ADGRA2: variants seen among roughly 807,000 people sequenced by gnomAD.
ADGRA2 encodes G-protein coupled receptor 124.
ADGRA2 carries 61 observed loss-of-function variants against 98.7 expected under a neutral mutation model. The ratio of observed to expected loss-of-function variants is 0.62; its 90% CI spans 0.50 to 0.76. The LOEUF is 0.76. ADGRA2 is among the 30% of genes least tolerant of loss of function. The probability of loss-of-function intolerance (pLI) is 0.00; values close to 1 mark genes in which losing one functional copy is unlikely to be tolerated. For synonymous variants in ADGRA2, 858 were observed against 831.5 expected (o/e 1.03, Z -0.55); for missense variants, 1,712 against 1,860.0 (o/e 0.92, Z 1.46).
At chr8:37,804,451 C>T (rs996534210) in intron 1 of ADGRA2, among the ~76,000 whole-genome samples, 4 of 152,192 alleles carry the variant, frequency 2.6e-5, no homozygotes, top group South Asian at 2.1e-4. Flanking sequence ...AATGCAGGCA[C>T]GTGGGACTGG....
At chr8:37,835,101 T>C (rs918850440) in intron 11 of ADGRA2, 73 bp from the exon 12 acceptor site, 36 of 1,074,686 alleles carry the variant, frequency 3.3e-5, no homozygotes, top group Non-Finnish European at 4.7e-5. Context: ...AGCAGGCCCA[T>C]TGAGAGAGAT....
rs1176699256 is a variant in ADGRA2, at chr8:37,842,080, C to T, written c.3742C>T (p.Pro1248Ser). 18 of 1,515,688 alleles carry T rather than the reference C, an allele frequency of 1.2e-5. No individual in the cohort carries two copies. Among genetic ancestry groups the T allele is most frequent in the Non-Finnish European group, 7.9e-6 (9 of 1,139,360 alleles). The allele number at this position is 1,515,688 out of a possible 1,614,324, so 93.9% of individuals were successfully genotyped here. The change falls in exon 19 of 19, where the codon CCC (proline) becomes TCC (serine). Residue 1248 changes from proline to serine, a missense_variant. Coordinates refer to ENST00000412232, the MANE Select transcript of ADGRA2 (RefSeq NM_032777.10). The part of the protein sequence containing the change: ...PGAGLQLEGE[P>S]MLTPSEGSDT... Reference sequence around the variant, plus strand: ...CGCCGGCCTGCAGCTGGAAGGCGAGCCCATGCTCACGCCGTCCGAGGGCAG... The same window carrying T: ...CGCCGGCCTGCAGCTGGAAGGCGAGTCCATGCTCACGCCGTCCGAGGGCAG...
At chr8:37,805,535 A>G (rs1245562130) in intron 1 of ADGRA2, among the ~76,000 whole-genome samples, 2 of 151,992 alleles carry the variant, frequency 1.3e-5, no homozygotes, top group African/African-American at 4.8e-5. Context: ...CCAGGGGTTC[A>G]AAACCATTCT....
In ADGRA2 at chr8:37,837,916, T is replaced by C. The variant is rs1233709551; in HGVS notation, c.2236T>C (p.Leu746=). Residue 746 remains leucine (L), a synonymous_variant, in exon 14 of 19, where the codon TTG becomes CTG. Coordinates refer to ENST00000412232, the MANE Select transcript of ADGRA2 (RefSeq NM_032777.10). ...PNVSALHCQH[L]GNVAVLMELS... ...TGTCAGCGCCCTGCACTGCCAGCAC[T>C]TGGGCAATGTGGCCGTGCTCATGGT... 3 of 1,467,258 alleles carry C rather than the reference T, an allele frequency of 2.0e-6. No individual in the cohort carries two copies. In the Admixed American group the frequency reaches 8.0e-5, roughly 39 times the overall value. 90.9% of individuals were successfully genotyped at this position (1,467,258 alleles called of 1,614,324 possible).
intron 9 of ADGRA2, 142 bp from the exon 10 acceptor site, chr8:37,833,546 T>C: frequency 1.2e-6 from 1 of 821,748 alleles, no homozygotes; most frequent in Non-Finnish European, 1.9e-6. Context: ...TCCTCTGCCC[T>C]CCTAGCTTGA....
At chr8:37,824,645 C>T (rs2129984776) in intron 2 of ADGRA2, among the ~76,000 whole-genome samples, 1 of 152,046 alleles carries the variant, frequency 6.6e-6, no homozygotes, top group South Asian at 2.1e-4. Context: ...AAGGCTCCCG[C>T]CACCACACAC....
Position 37,828,928 on chromosome 8 carries a change from G to A in ADGRA2, c.379G>A (p.Ala127Thr), listed in dbSNP as rs754053108. ...NNIISTVQPGAFLGLGELKRL... is the reference protein window; with the variant it reads ...NNIISTVQPGTFLGLGELKRL... ...CATCATCAGCACAGTGCAGCCGGGC[G>A]CCTTCCTGGGCCTGGGGGAGCTGAA... is the stretch of plus-strand genomic sequence containing the variant. Residue 127 changes from alanine to threonine, a missense_variant, in exon 3 of 19, where the codon GCC (alanine) becomes ACC (threonine). Coordinates refer to ENST00000412232, the MANE Select transcript of ADGRA2 (RefSeq NM_032777.10). 1.0e-5 allele frequency: 16 copies of A among 1,587,876 alleles called. No homozygotes were observed. The highest frequency in any genetic ancestry group is 5.4e-5 in the African/African-American group (4 of 74,018).
chr8:37,824,814 G>A (rs1805224706), intron 2 of ADGRA2, among the ~76,000 whole-genome samples: 1 of 152,116 alleles, frequency 6.6e-6, no homozygotes, highest in African/African-American at 2.4e-5. Context: ...AAATTTTTAA[G>A]TTGTTATTAA....
intron 1 of ADGRA2, among the ~76,000 whole-genome samples, chr8:37,806,590 C>A (rs1804675913): frequency 7.0e-6 from 1 of 141,868 alleles, no homozygotes; most frequent in Admixed American, 7.2e-5. Context: ...AGTGCAGTGG[C>A]ACGATCTTGG....
In ADGRA2 at chr8:37,834,009, G is replaced by C. The variant is rs372410228; in HGVS notation, c.1489G>C (p.Val497Leu). The change falls in exon 11 of 19, where the codon GTG becomes CTG. Residue 497 changes from valine to leucine, a missense_variant. By Grantham distance (32) the Val-to-Leu change is conservative. Transcript: ENST00000412232. This position sits in a 1 kb window ranked among gnomAD's most constrained non-coding sequence, Gnocchi z 4.2. ...MVDMASNLML[V>L]DEHLLWLAQR... ...GGACATGGCCAGCAACCTGATGCTG[G>C]TGGACGAGCACCTGCTGTGGCTGGC... The C allele has an allele frequency of 3.1e-6, 5 of 1,613,074 alleles. No homozygotes were observed. Among genetic ancestry groups the C allele is most frequent in the Non-Finnish European group, 4.2e-6 (5 of 1,179,976 alleles).
In ADGRA2 at chr8:37,842,387, C is replaced by G; in HGVS notation, c.*32C>G. On this transcript the variant is annotated 3_prime_UTR_variant, in exon 19 of 19. Coordinates refer to ENST00000412232, the MANE Select transcript of ADGRA2 (RefSeq NM_032777.10). ...GCGGGCGACGCGGTAGACGGGCTGG[C>G]CACGCGGCTCGTTCCCCCGCTCCTC... 7.0e-7 allele frequency: 1 copy of G among 1,438,622 alleles called. No homozygotes were observed. The highest frequency in any genetic ancestry group is 3.0e-5 in the Admixed American group (1 of 33,664). The allele number at this position is 1,438,622 out of a possible 1,614,324, so 89.1% of individuals were successfully genotyped here.
At position 37,797,640 on chromosome 8, in the gene ADGRA2, G is replaced by C; in HGVS notation, c.266+106G>C. 3 of 1,103,354 alleles carry C rather than the reference G, an allele frequency of 2.7e-6. No individual in the cohort carries two copies. The highest frequency in any genetic ancestry group is 1.2e-6 in the Non-Finnish European group (1 of 851,778). 68.3% of individuals were successfully genotyped at this position (1,103,354 alleles called of 1,614,324 possible). A position where few individuals can be genotyped will look rare whatever the true frequency, so the allele number is the denominator to read the frequency against. On this transcript the variant is annotated intron_variant, in intron 1 of 18. Transcript: ENST00000412232. The surrounding 1 kb of genome is among the most constrained non-coding windows in gnomAD (Gnocchi z 5.3). ...GGAAGGGGGCTATCCCCCCACTTCAGAGATTTCTGGACAGGCCTGGGTTCA... is the reference window on the plus strand; with the variant it reads ...GGAAGGGGGCTATCCCCCCACTTCACAGATTTCTGGACAGGCCTGGGTTCA...
rs901343966 is a variant in ADGRA2 at position 37,842,433 on chromosome 8, C to A, written c.*78C>A. On this transcript the variant is annotated 3_prime_UTR_variant, in exon 19 of 19. Transcript: ENST00000412232. ...TCCTCGGGGCCCTCCAAGGTGTCTC[C>A]GTAGTCAGCAGGTTGGAGGCAGAGG... 46 of 1,393,596 alleles carry A rather than the reference C, an allele frequency of 3.3e-5. No homozygotes were observed. Among genetic ancestry groups the A allele is most frequent in the Non-Finnish European group, 4.3e-5 (46 of 1,074,016 alleles). 86.3% of individuals were successfully genotyped at this position (1,393,596 alleles called of 1,614,324 possible).
At position 37,844,785 on chromosome 8, in the gene ADGRA2, C is replaced by T. The variant is rs781296740; in HGVS notation, c.*2430C>T. 41 of 1,614,052 alleles carry T rather than the reference C, an allele frequency of 2.5e-5. No individual in the cohort carries two copies. Among genetic ancestry groups the T allele is most frequent in the South Asian group, 9.9e-5 (9 of 91,076 alleles). On this transcript the variant is annotated 3_prime_UTR_variant, in exon 19 of 19. Coordinates refer to ENST00000412232, the MANE Select transcript of ADGRA2 (RefSeq NM_032777.10). Reference sequence around the variant, plus strand: ...TCCCCACCCCGGTGGCTCCTTCTCTCGGGTCTCCACTTCTGCTGTCCCATC... The same window carrying T: ...TCCCCACCCCGGTGGCTCCTTCTCTTGGGTCTCCACTTCTGCTGTCCCATC...
chr8:37,797,230 C>T lies in ADGRA2; in HGVS notation c.-39C>T, dbSNP rs1804353808. On this transcript the variant is annotated 5_prime_UTR_variant, in exon 1 of 19. Transcript: ENST00000412232. This position sits in a 1 kb window ranked among gnomAD's most constrained non-coding sequence, Gnocchi z 5.3. Reference sequence around the variant, plus strand: ...GGGTCCCTCCGGCCGGCGCGCAGCCCGGCCCCAGCGCTGTGGGTCCCCGCG... The same window carrying T: ...GGGTCCCTCCGGCCGGCGCGCAGCCTGGCCCCAGCGCTGTGGGTCCCCGCG... The T allele has an allele frequency of 8.3e-7, 1 of 1,210,608 alleles. No homozygotes were observed. The highest frequency in any genetic ancestry group is 3.4e-5 in the East Asian group (1 of 29,192). The allele number at this position is 1,210,608 out of a possible 1,614,324, so 75.0% of individuals were successfully genotyped here.
chr8:37,824,489 A>ATT (rs34639785), intron 2 of ADGRA2, among the ~76,000 whole-genome samples: 5,033 of 114,660 alleles, frequency 0.044, 198 homozygotes, highest in Non-Finnish European at 0.06. Context: ...CTAAGGTGCA[A>ATT]TTTTTTTTTT....
Position 37,844,405 on chromosome 8 carries a change from G to T in ADGRA2, c.*2050G>T. ...TCAAACAAGAAAAGCAATACCTACG[G>T]ACTGGTGTACACTTCCATCCTTGGT... is the stretch of plus-strand genomic sequence containing the variant. On this transcript the variant is annotated 3_prime_UTR_variant, in exon 19 of 19. Transcript: ENST00000412232. The T allele has an allele frequency of 6.6e-7, 1 of 1,526,272 alleles. No individual in the cohort carries two copies. The highest frequency in any genetic ancestry group is 1.2e-5 in the South Asian group (1 of 80,486). 94.5% of individuals were successfully genotyped at this position (1,526,272 alleles called of 1,614,324 possible).
rs1805835860 is a variant in ADGRA2, at chr8:37,842,412, C to T, written c.*57C>T. On this transcript the variant is annotated 3_prime_UTR_variant, in exon 19 of 19. Transcript: ENST00000412232. ...CCACGCGGCTCGTTCCCCCGCTCCTCGGGGCCCTCCAAGGTGTCTCCGTAG... is the reference window on the plus strand; with the variant it reads ...CCACGCGGCTCGTTCCCCCGCTCCTTGGGGCCCTCCAAGGTGTCTCCGTAG... 7.1e-7 allele frequency: 1 copy of T among 1,414,900 alleles called. No homozygotes were observed. The highest frequency in any genetic ancestry group is 9.2e-7 in the Non-Finnish European group (1 of 1,085,472). The allele number at this position is 1,414,900 out of a possible 1,614,324, so 87.6% of individuals were successfully genotyped here.
chr8:37,816,927 AACACACACACACACACACACACACAC>A (rs3050620), intron 2 of ADGRA2, among the ~76,000 whole-genome samples: 5 of 131,888 alleles, frequency 3.8e-5, no homozygotes, highest in Admixed American at 1.6e-4. Context: ...AAGAAAGCAA[AACACACACACACACACACACACACAC>A]ACACACACAC....
Sources: allele counts gnomAD v4.1 joint callset (sites outside exome capture counted in the v4.1 genomes callset), GRCh38; gene constraint gnomAD v4.1.1; non-coding constraint Gnocchi (gnomAD v3.1); transcripts MANE v1.5; gene names NCBI Gene and HGNC (gene_info 2026-07-23, HGNC 2026-07-21).